The following TENM2 variants were observed in gnomAD, a reference collection of about 807,000 sequenced individuals.
TENM2 encodes the protein teneurin-2.
In TENM2, 52 loss-of-function variants were observed where a neutral mutation model predicts 245.2. The ratio of observed to expected loss-of-function variants is 0.21; its 90% CI spans 0.17 to 0.27. The LOEUF (loss-of-function observed/expected upper bound fraction) is 0.27, where lower values mean the gene tolerates loss of function less well. Among genes scored for constraint, TENM2 ranks in the 10% least tolerant of loss-of-function variants. The pLI is 1.00. For missense variants in TENM2, 3,046 were observed against 3,666.8 expected, an observed-to-expected ratio of 0.83 and a Z score of 4.37; for synonymous variants, 1,363 against 1,438.9, an observed-to-expected ratio of 0.95 and a Z score of 1.19.
the TENM2 span, among the ~76,000 whole-genome samples, chr5:167,102,355 A>G: frequency 1.3e-5 from 2 of 152,172 alleles, no homozygotes; most frequent in African/African-American, 4.8e-5. Flanking sequence ...ATCAGCTAAT[A>G]AATGTTCTCA....
At chr5:167,955,070 T>G (rs1298409797) in intron 4 of TENM2, among the ~76,000 whole-genome samples, 2 of 152,170 alleles carry the variant, frequency 1.3e-5, no homozygotes, top group East Asian at 3.9e-4. Context: ...TTGAATCAAT[T>G]TACACTCCCA....
chr5:167,566,590 C>A (rs1223095279), intron 2 of TENM2, among the ~76,000 whole-genome samples: 2 of 152,136 alleles, frequency 1.3e-5, no homozygotes, highest in African/African-American at 2.4e-5. Flanking sequence ...AAAAATAAAA[C>A]CTGTAGCAGT....
At chr5:168,139,429 G>A (rs1217398327) in intron 12 of TENM2, 1 of 454,868 alleles carries the variant, frequency 2.2e-6, no homozygotes, top group Non-Finnish European at 4.4e-6. Context: ...ATCTAATTTA[G>A]TTAGATTACT....
chr5:167,695,738 A>AC (rs1462097856), intron 2 of TENM2, among the ~76,000 whole-genome samples: 2 of 151,746 alleles, frequency 1.3e-5, no homozygotes, highest in African/African-American at 4.8e-5. Flanking sequence ...AAAAAAAAAA[A>AC]AACAAAACAG....
the TENM2 span, among the ~76,000 whole-genome samples, chr5:167,150,313 A>C: frequency 6.6e-6 from 1 of 152,142 alleles, no homozygotes; most frequent in East Asian, 1.9e-4. Flanking sequence ...TTCTGCTTCT[A>C]TTATATTAAG....
intron 3 of TENM2, among the ~76,000 whole-genome samples, chr5:167,930,759 AT>A (rs564465023): frequency 8.4e-4 from 123 of 145,720 alleles, no homozygotes; most frequent in South Asian, 1.1e-3. Flanking sequence ...AAAGAAGAGA[AT>A]TTTTTTTTTT....
At chr5:167,024,048 T>C in the TENM2 span, among the ~76,000 whole-genome samples, 3 of 152,222 alleles carry the variant, frequency 2.0e-5, no homozygotes, top group Non-Finnish European at 4.4e-5. Flanking sequence ...TGGCATTTTA[T>C]TCAAGGAAAA....
At chr5:168,003,801 G>T (rs1031474736) in intron 5 of TENM2, among the ~76,000 whole-genome samples, 7 of 152,182 alleles carry the variant, frequency 4.6e-5, no homozygotes, top group Non-Finnish European at 1.0e-4. Flanking sequence ...AGGAAATTGA[G>T]TTTATAGACA....
At chr5:168,172,240 G>C (rs1355295780) in intron 13 of TENM2, among the ~76,000 whole-genome samples, 2 of 152,234 alleles carry the variant, frequency 1.3e-5, no homozygotes, top group African/African-American at 2.4e-5. Context: ...CCAAGGCTGA[G>C]AAATCCGATA....
Position 167,350,995 on chromosome 5 carries a change from G to T in TENM2, c.227-24203G>T, listed in dbSNP as rs1758859709. Among the ~76,000 whole-genome samples the T allele has an allele frequency of 4.3e-5, 3 of 69,726 alleles. 1 individual carries two copies. Among genetic ancestry groups the T allele is most frequent in the Non-Finnish European group, 9.1e-5 (3 of 32,902 alleles). 45.7% of individuals were successfully genotyped at this position (69,726 alleles called of 152,430 possible). A position where few individuals can be genotyped will look rare whatever the true frequency, so the allele number is the denominator to read the frequency against. On this transcript the variant is annotated intron_variant, in intron 1 of 28. Transcript: ENST00000518659. ...GTATATACATATGGATATATATATG[G>T]ATTATATACATATGGATATATATAT...
chr5:167,628,035 T>C (rs564333180), intron 2 of TENM2, among the ~76,000 whole-genome samples: 2 of 152,348 alleles, frequency 1.3e-5, no homozygotes, highest in South Asian at 2.1e-4. Context: ...TTCCGGATTA[T>C]GCTTCACATA....
intron 11 of TENM2, 100 bp from the exon 14 acceptor site, chr5:168,126,654 C>T (rs558635493): frequency 1.2e-5 from 11 of 912,394 alleles, no homozygotes; most frequent in East Asian, 5.4e-5. Context: ...TGCTGGGCCT[C>T]GGGGCCTGCT....
At chr5:167,943,101 G>A (rs1779319267) in intron 3 of TENM2, among the ~76,000 whole-genome samples, 1 of 152,182 alleles carries the variant, frequency 6.6e-6, no homozygotes, top group African/African-American at 2.4e-5. Flanking sequence ...TATATAGTAT[G>A]GAGAAACTTT....
At chr5:167,174,090 A>T in the TENM2 span, among the ~76,000 whole-genome samples, 2 of 151,116 alleles carry the variant, frequency 1.3e-5, no homozygotes, top group African/African-American at 4.9e-5. Context: ...CAAGGCTGTG[A>T]TGTGAACTGA....
the TENM2 span, among the ~76,000 whole-genome samples, chr5:167,145,762 C>T: frequency 6.6e-6 from 1 of 152,120 alleles, no homozygotes. Context: ...GAAAATCCTA[C>T]GACTGATTCT....
At chr5:167,709,537 G>A (rs964794489) in intron 2 of TENM2, among the ~76,000 whole-genome samples, 12 of 152,134 alleles carry the variant, frequency 7.9e-5, no homozygotes, top group African/African-American at 2.4e-4. Context: ...AGATGGTGGC[G>A]GTCCAGAAGC....
chr5:167,702,472 G>A (rs545893884), intron 2 of TENM2, among the ~76,000 whole-genome samples: 1 of 151,042 alleles, frequency 6.6e-6, no homozygotes, highest in Non-Finnish European at 1.5e-5. Context: ...TCTCTATGGG[G>A]CCAGATTACT....
the TENM2 span, among the ~76,000 whole-genome samples, chr5:167,078,669 T>A: frequency 1.3e-5 from 2 of 152,214 alleles, no homozygotes; most frequent in African/African-American, 4.8e-5. Context: ...CTATTGCTCC[T>A]CTGGCAAATA....
chr5:167,704,293 A>G (rs1758357220), intron 2 of TENM2, among the ~76,000 whole-genome samples: 1 of 152,190 alleles, frequency 6.6e-6, no homozygotes, highest in South Asian at 2.1e-4. Flanking sequence ...TTGTCAATAC[A>G]GATAATTCCT....
Sources: gnomAD v4.1 joint callset for allele counts (sites outside exome capture counted in the v4.1 genomes callset) on GRCh38, gnomAD v4.1.1 for gene constraint, MANE v1.5 for transcripts, NCBI Gene and HGNC (gene_info 2026-07-23, HGNC 2026-07-21) for gene names.